PRKCE: variants seen among roughly 807,000 people sequenced by gnomAD.
PRKCE encodes protein kinase C epsilon type.
A neutral mutation model predicts 85.4 loss-of-function variants in PRKCE; 16 were observed. That is an observed-to-expected ratio of 0.19 (90% CI 0.13 to 0.28). The LOEUF (loss-of-function observed/expected upper bound fraction) is 0.28, where lower values mean the gene tolerates loss of function less well. Among genes scored for constraint, PRKCE ranks in the 10% least tolerant of loss-of-function variants. The pLI is 1.00. For synonymous variants in PRKCE, 388 were observed against 371.5 expected, an observed-to-expected ratio of 1.04 and a Z score of -0.51; for missense variants, 573 against 975.2, an observed-to-expected ratio of 0.59 and a Z score of 5.49.
At chr2:45,768,969 A>G (rs1256942089) in intron 1 of PRKCE, among the ~76,000 whole-genome samples, 1 of 152,232 alleles carries the variant, frequency 6.6e-6, no homozygotes, top group East Asian at 1.9e-4. Flanking sequence ...TTGTTCTGCT[A>G]CTGACATGTT....
rs79572292 is a variant in PRKCE at position 45,713,104 on chromosome 2, C to A, written c.348+60656C>A. Among the ~76,000 whole-genome samples, 1,285 of 152,262 alleles carry A rather than the reference C, an allele frequency of 8.4e-3. 21 individuals carry two copies. The highest frequency in any genetic ancestry group is 0.029 in the African/African-American group (1,224 of 41,552). ...TGTCCTCCATAAGCTAGCTTATCTC[C>A]CTGGGCCTCAGTTTCTTTCCCTGTA... On this transcript the variant is annotated intron_variant, in intron 1 of 14. Transcript: ENST00000306156.
intron 8 of PRKCE, among the ~76,000 whole-genome samples, chr2:46,006,778 CGTA>C (rs769590655): frequency 4.1e-4 from 62 of 152,278 alleles, no homozygotes; most frequent in Admixed American, 5.2e-4. Flanking sequence ...AAGACTGTCT[CGTA>C]GTTGAGAAAT....
intron 10 of PRKCE, among the ~76,000 whole-genome samples, chr2:46,026,244 A>C (rs892587915): frequency 3.3e-5 from 5 of 152,192 alleles, no homozygotes; most frequent in African/African-American, 1.2e-4. Context: ...AGAGTATACG[A>C]AGTTAGAGGG....
chr2:46,154,870 C>T (rs1428473692), intron 13 of PRKCE, among the ~76,000 whole-genome samples: 2 of 151,892 alleles, frequency 1.3e-5, no homozygotes, highest in Non-Finnish European at 2.9e-5. Flanking sequence ...TTGTCTATTT[C>T]CTTCCACAAG....
intron 10 of PRKCE, among the ~76,000 whole-genome samples, chr2:46,020,706 A>G (rs1039411014): frequency 6.6e-6 from 1 of 152,216 alleles, no homozygotes; most frequent in Non-Finnish European, 1.5e-5. Flanking sequence ...ATGTCACACT[A>G]CTTCATTGAT....
chr2:45,816,896 C>G (rs549482240), intron 1 of PRKCE, among the ~76,000 whole-genome samples: 3 of 152,078 alleles, frequency 2.0e-5, no homozygotes, highest in African/African-American at 7.2e-5. Context: ...AAAGAGACCC[C>G]CTGCTCGGGG....
At chr2:46,172,088 A>G (rs1165760295) in intron 14 of PRKCE, among the ~76,000 whole-genome samples, 2 of 152,208 alleles carry the variant, frequency 1.3e-5, no homozygotes, top group African/African-American at 4.8e-5. Context: ...CGACTCTTGG[A>G]GGGCCAGTGG....
chr2:45,925,454 C>T (rs940630299), intron 2 of PRKCE, among the ~76,000 whole-genome samples: 3 of 152,098 alleles, frequency 2.0e-5, no homozygotes, highest in African/African-American at 7.2e-5. Context: ...CACCACCACG[C>T]CCAGCTAACT....
intron 1 of PRKCE, among the ~76,000 whole-genome samples, chr2:45,787,407 G>C (rs1333019287): frequency 3.9e-5 from 6 of 152,216 alleles, no homozygotes; most frequent in African/African-American, 1.4e-4. Flanking sequence ...TAGCAGCTGA[G>C]AGGCCCCTGA....
At chr2:46,113,901 T>A (rs1672501235) in intron 11 of PRKCE, among the ~76,000 whole-genome samples, 1 of 152,194 alleles carries the variant, frequency 6.6e-6, no homozygotes, top group African/African-American at 2.4e-5. Context: ...CTCAGATAGA[T>A]GATTGGGCTT....
At chr2:46,104,296 CTTT>C (rs59018550) in intron 11 of PRKCE, among the ~76,000 whole-genome samples, 1 of 118,502 alleles carries the variant, frequency 8.4e-6, no homozygotes, top group Admixed American at 8.7e-5. Context: ...TCACCTTGTA[CTTT>C]TTTTTTTTTT....
At chr2:46,093,526 T>C (rs1670383910) in intron 11 of PRKCE, among the ~76,000 whole-genome samples, 1 of 89,728 alleles carries the variant, frequency 1.1e-5, no homozygotes, top group Non-Finnish European at 2.3e-5. Context: ...CTTATTGTAC[T>C]TTTCTTTTTT....
chr2:46,005,575 A>G (rs1324270299), intron 8 of PRKCE, among the ~76,000 whole-genome samples: 1 of 152,156 alleles, frequency 6.6e-6, no homozygotes, highest in Non-Finnish European at 1.5e-5. Context: ...TTTGGAGATA[A>G]GTCAGTGGTA....
At chr2:45,939,685 G>A (rs1276507480) in intron 2 of PRKCE, among the ~76,000 whole-genome samples, 1 of 152,120 alleles carries the variant, frequency 6.6e-6, no homozygotes, top group East Asian at 1.9e-4. Flanking sequence ...CTCCTAAGTA[G>A]CTGGGACTAC....
rs145380894 is a variant in PRKCE at position 45,857,907 on chromosome 2, G to A, written c.412+14844G>A. On this transcript the variant is annotated intron_variant, in intron 2 of 14. Coordinates refer to ENST00000306156, the MANE Select transcript of PRKCE (RefSeq NM_005400.3). ...GTTAAATGATTAAGGAATGGCCGTTGTAAATGGTGCCAGGTAAAAATGGCA... is the reference window on the plus strand; with the variant it reads ...GTTAAATGATTAAGGAATGGCCGTTATAAATGGTGCCAGGTAAAAATGGCA... Among the ~76,000 whole-genome samples the A allele has an allele frequency of 1.4e-3, 219 of 152,360 alleles. 1 individual carries two copies. The highest frequency in any genetic ancestry group is 5.0e-3 in the African/African-American group (208 of 41,582).
At chr2:46,025,819 T>C (rs1707064395) in intron 10 of PRKCE, among the ~76,000 whole-genome samples, 1 of 152,204 alleles carries the variant, frequency 6.6e-6, no homozygotes, top group South Asian at 2.1e-4. Context: ...GATGTTTGTG[T>C]AGTTCAGATC....
At chr2:46,087,490 C>A (rs1669756803) in intron 11 of PRKCE, among the ~76,000 whole-genome samples, 1 of 152,216 alleles carries the variant, frequency 6.6e-6, no homozygotes, top group Non-Finnish European at 1.5e-5. Flanking sequence ...TTCTGGTCAA[C>A]CCCACTCCAG....
chr2:45,952,893 G>A (rs1451281229), intron 2 of PRKCE, among the ~76,000 whole-genome samples: 2 of 152,108 alleles, frequency 1.3e-5, no homozygotes, highest in Non-Finnish European at 2.9e-5. Context: ...TTAACAGCAC[G>A]AAACACAGCA....
intron 1 of PRKCE, among the ~76,000 whole-genome samples, chr2:45,836,001 G>A (rs1371264433): frequency 6.6e-6 from 1 of 152,200 alleles, no homozygotes; most frequent in Non-Finnish European, 1.5e-5. Flanking sequence ...GTTTTGGGCT[G>A]TTAGGAATGA....
Sources: gnomAD v4.1 joint callset for allele counts (sites outside exome capture counted in the v4.1 genomes callset) on GRCh38, gnomAD v4.1.1 for gene constraint, MANE v1.5 for transcripts, NCBI Gene and HGNC (gene_info 2026-07-23, HGNC 2026-07-21) for gene names.